Variants in PRMT8 observed in about 807,000 individuals in gnomAD.
PRMT8 encodes the protein protein arginine methyltransferase 8.
Under a neutral mutation model 47.1 loss-of-function variants are expected in PRMT8, and 7 were observed. That is an observed-to-expected ratio of 0.15 (90% CI 0.08 to 0.28). The LOEUF (loss-of-function observed/expected upper bound fraction) is 0.28. Ranked by LOEUF, PRMT8 falls within the 10% of genes least tolerant of loss-of-function variation. PRMT8 has a pLI of 1.00. For missense variants in PRMT8, 237 were observed against 505.4 expected, an observed-to-expected ratio of 0.47 and a Z score of 5.09; for synonymous variants, 188 against 186.5, an observed-to-expected ratio of 1.01 and a Z score of -0.07.
chr12:3,407,465 C>T (rs990194069), intron 1 of PRMT8, among the ~76,000 whole-genome samples: 4 of 152,134 alleles, frequency 2.6e-5, no homozygotes, highest in Admixed American at 2.0e-4. Context: ...CTCCTGAGAA[C>T]TCTGTTGATG....
intron 1 of PRMT8, among the ~76,000 whole-genome samples, chr12:3,402,108 G>A (rs1864323501): frequency 6.7e-6 from 1 of 150,370 alleles, no homozygotes; most frequent in African/African-American, 2.5e-5. Context: ...AATTAAAACA[G>A]CATGATACTA....
chr12:3,541,414 C>T (rs1265786312), intron 2 of PRMT8, among the ~76,000 whole-genome samples: 1 of 152,178 alleles, frequency 6.6e-6, no homozygotes, highest in Non-Finnish European at 1.5e-5. Flanking sequence ...AATGGTGCCC[C>T]TACTGTATAT....
intron 1 of PRMT8, among the ~76,000 whole-genome samples, chr12:3,431,610 G>A (rs185698399): frequency 1.4e-4 from 21 of 152,310 alleles, no homozygotes; most frequent in Non-Finnish European, 2.5e-4. Context: ...ATCAAGGAAA[G>A]ATGGGATTCC....
chr12:3,453,758 G>A lies in PRMT8; in HGVS notation c.48+72316G>A, dbSNP rs1236255278. 2.0e-5 allele frequency among the ~76,000 whole-genome samples: 3 copies of A among 151,912 alleles called. No individual in the cohort carries two copies. The highest frequency in any genetic ancestry group is 4.4e-5 in the Non-Finnish European group (3 of 67,968). ...GGCACCCTGTGGTCTGTGTCCTGAC[G>A]TGGCCCGACTGTGGACCCCCTTGTC... On this transcript the variant is annotated intron_variant, in intron 1 of 9. Transcript: ENST00000452611. The surrounding 1 kb of genome is among the most constrained non-coding windows in gnomAD (Gnocchi z 4.9).
intron 1 of PRMT8, among the ~76,000 whole-genome samples, chr12:3,418,164 C>T (rs185150240): frequency 1.3e-5 from 2 of 152,286 alleles, no homozygotes; most frequent in South Asian, 2.1e-4. Context: ...CCATCTAGGC[C>T]CCAGCCAAGT....
At chr12:3,582,187 G>A (rs774841788) in intron 7 of PRMT8, among the ~76,000 whole-genome samples, 8 of 152,162 alleles carry the variant, frequency 5.3e-5, no homozygotes, top group Non-Finnish European at 7.3e-5. Flanking sequence ...CCTGCCTCAC[G>A]GGGCCAGCAA....
At chr12:3,461,568 G>A (rs1414230574) in intron 1 of PRMT8, among the ~76,000 whole-genome samples, 1 of 152,248 alleles carries the variant, frequency 6.6e-6, no homozygotes, top group Non-Finnish European at 1.5e-5. Context: ...AACGGAAGCT[G>A]CCAACAGCCC....
At chr12:3,399,378 A>G (rs1284132850) in intron 1 of PRMT8, among the ~76,000 whole-genome samples, 2 of 152,196 alleles carry the variant, frequency 1.3e-5, no homozygotes, top group Non-Finnish European at 2.9e-5. Context: ...GAGTTTAAGC[A>G]AGAAGGCTGC....
rs941957542 is a variant in PRMT8 at position 3,472,098 on chromosome 12, C to G, written c.49-68508C>G. Among the ~76,000 whole-genome samples the G allele has an allele frequency of 7.9e-5, 12 of 152,092 alleles. No individual in the cohort carries two copies. In the South Asian group the frequency reaches 1.0e-3, roughly 13 times the overall value. ...GGACATCAATGGCCATCGTACTGTT[C>G]CTTGAGTCAGATCTCCCCATCAGGT... On this transcript the variant is annotated intron_variant, in intron 1 of 9. Transcript: ENST00000452611.
chr12:3,435,588 G>C (rs1360973659), intron 1 of PRMT8, among the ~76,000 whole-genome samples: 1 of 147,398 alleles, frequency 6.8e-6, no homozygotes, highest in Non-Finnish European at 1.5e-5. Flanking sequence ...GTGGCGCAGT[G>C]TTGGCTCACT....
intron 4 of PRMT8, among the ~76,000 whole-genome samples, chr12:3,567,465 C>T (rs1866740734): frequency 6.6e-6 from 1 of 152,134 alleles, no homozygotes; most frequent in African/African-American, 2.4e-5. Context: ...AATGCAAAAG[C>T]AATAGAGGAG....
chr12:3,541,976 T>C (rs981097345), intron 2 of PRMT8, among the ~76,000 whole-genome samples: 1 of 152,182 alleles, frequency 6.6e-6, no homozygotes, highest in Non-Finnish European at 1.5e-5. Context: ...AGCTAGTAGA[T>C]GGCACAGCTA....
intron 1 of PRMT8, among the ~76,000 whole-genome samples, chr12:3,381,976 G>C (rs1864096568): frequency 6.6e-6 from 1 of 152,166 alleles, no homozygotes; most frequent in South Asian, 2.1e-4. Flanking sequence ...GAATCATATA[G>C]TATGTAACCT....
chr12:3,529,638 T>C (rs1162569392), intron 1 of PRMT8, among the ~76,000 whole-genome samples: 1 of 152,210 alleles, frequency 6.6e-6, no homozygotes, highest in Non-Finnish European at 1.5e-5. Flanking sequence ...TAGAATTAGG[T>C]GGAAGATGTC....
intron 1 of PRMT8, among the ~76,000 whole-genome samples, chr12:3,399,850 G>C (rs1591538767): frequency 6.6e-6 from 1 of 152,214 alleles, no homozygotes; most frequent in African/African-American, 2.4e-5. Context: ...GCATAGGCTA[G>C]AGTGAGCATG....
chr12:3,458,837 C>T (rs2137086448), intron 1 of PRMT8, among the ~76,000 whole-genome samples: 1 of 152,326 alleles, frequency 6.6e-6, no homozygotes, highest in Admixed American at 6.5e-5. Flanking sequence ...TCACTAAGCC[C>T]CTCCTTCCTG....
At chr12:3,403,503 G>A (rs1169355929) in intron 1 of PRMT8, among the ~76,000 whole-genome samples, 25 of 151,080 alleles carry the variant, frequency 1.7e-4, no homozygotes, top group Admixed American at 1.6e-3. Flanking sequence ...AAAGGATCCA[G>A]CATCTAGGAA....
At chr12:3,460,039 C>T (rs1865023729) in intron 1 of PRMT8, among the ~76,000 whole-genome samples, 1 of 152,202 alleles carries the variant, frequency 6.6e-6, no homozygotes, top group Non-Finnish European at 1.5e-5. Flanking sequence ...CTGTGTGGAT[C>T]TTACTTTTCT....
At chr12:3,391,554 T>C (rs1008287683) in intron 1 of PRMT8, among the ~76,000 whole-genome samples, 4 of 152,142 alleles carry the variant, frequency 2.6e-5, no homozygotes, top group African/African-American at 9.7e-5. Context: ...AGAGCTAGGT[T>C]GTGTGAAATC....
Sources: allele counts gnomAD v4.1 joint callset (sites outside exome capture counted in the v4.1 genomes callset), GRCh38; gene constraint gnomAD v4.1.1; non-coding constraint Gnocchi (gnomAD v3.1); transcripts MANE v1.5; gene names NCBI Gene and HGNC (gene_info 2026-07-23, HGNC 2026-07-21).